GATAD2B: variants seen among roughly 807,000 people sequenced by gnomAD.
GATAD2B encodes the protein GATA zinc finger domain containing 2B, also known as transcriptional repressor p66-beta.
Under a neutral mutation model 64.3 loss-of-function variants are expected in GATAD2B, and 8 were observed. The ratio of observed to expected loss-of-function variants is 0.12; its 90% CI spans 0.07 to 0.22. The LOEUF is 0.22. Among genes scored for constraint, GATAD2B ranks in the 10% least tolerant of loss-of-function variants. The pLI is 1.00. For synonymous variants in GATAD2B, 281 were observed against 271.3 expected (o/e 1.04, Z -0.35); for missense variants, 453 against 752.0 (o/e 0.60, Z 4.65).
Position 153,816,430 on chromosome 1 carries a change from T to C in GATAD2B, c.1059A>G (p.Lys353=). The change falls in exon 7 of 11, where the codon AAA becomes AAG. Residue 353 remains lysine (K), a synonymous_variant. Coordinates refer to ENST00000368655, the MANE Select transcript of GATAD2B (RefSeq NM_020699.4). This position sits in a 1 kb window ranked among gnomAD's most constrained non-coding sequence, Gnocchi z 4.9. ...TTTCCAGCTGTTTGCGAAGAGCCAA[T>C]TTGGCTGCAGCCTGTGAGTTGGCAG... ...TDAANSQAAA[K]LALRKQLEKT... is the part of the protein sequence containing the mutation. 11 of 1,614,180 alleles carry C rather than the reference T, an allele frequency of 6.8e-6. No individual in the cohort carries two copies. Among genetic ancestry groups the C allele is most frequent in the Non-Finnish European group, 8.5e-6 (10 of 1,180,006 alleles).
chr1:153,816,568 T>C lies in GATAD2B; in HGVS notation c.921A>G (p.Pro307=), dbSNP rs1160931797. ...NYQPQSSSSV[P]CQRTTSSAIY... is the part of the protein sequence containing the mutation. Reference sequence around the variant, plus strand: ...TGGCAGAGGATGTTGTACGCTGACATGGAACAGAAGAACTTGACTGCTGAA... The same window carrying C: ...TGGCAGAGGATGTTGTACGCTGACACGGAACAGAAGAACTTGACTGCTGAA... The change falls in exon 7 of 11, where the codon CCA becomes CCG. Residue 307 remains proline (P), a synonymous_variant. Coordinates refer to ENST00000368655, the MANE Select transcript of GATAD2B (RefSeq NM_020699.4). The surrounding 1 kb of genome is among the most constrained non-coding windows in gnomAD (Gnocchi z 4.9). The C allele has an allele frequency of 3.7e-6, 6 of 1,611,998 alleles. No homozygotes were observed. Among genetic ancestry groups the C allele is most frequent in the Non-Finnish European group, 5.1e-6 (6 of 1,178,304 alleles).
intron 1 of GATAD2B, among the ~76,000 whole-genome samples, chr1:153,871,013 C>A (rs12138773): frequency 0.019 from 2,855 of 151,812 alleles, 40 homozygotes; most frequent in Non-Finnish European, 0.032. Flanking sequence ...CCCCTCTTGC[C>A]TCAGCCTCTG....
chr1:153,889,133 C>G (rs1265397919), intron 1 of GATAD2B, among the ~76,000 whole-genome samples: 1 of 152,008 alleles, frequency 6.6e-6, no homozygotes, highest in African/African-American at 2.4e-5. Flanking sequence ...ACAGGCTATA[C>G]TAGAACTAGA....
intron 7 of GATAD2B, among the ~76,000 whole-genome samples, chr1:153,813,892 C>T (rs1235281135): frequency 1.3e-5 from 2 of 152,194 alleles, no homozygotes; most frequent in South Asian, 2.1e-4. Context: ...GCAGGAGAAT[C>T]GCTTGAACCT....
chr1:153,816,522 G>A lies in GATAD2B; in HGVS notation c.967C>T (p.His323Tyr). The change falls in exon 7 of 11, where the codon CAT (histidine) becomes TAT (tyrosine). Residue 323 changes from histidine (H) to tyrosine (Y), a missense_variant. This residue lies in a region of GATAD2B where 293 missense variants were observed against 417.2 expected (regional missense o/e 0.70). Transcript: ENST00000368655. The surrounding 1 kb of genome is among the most constrained non-coding windows in gnomAD (Gnocchi z 4.9). The part of the protein sequence containing the change: ...SSAIYMNLAS[H>Y]IQPGTVNRVS... The stretch of plus-strand genomic sequence containing the variant: ...CTGTTCACCGTCCCTGGCTGGATAT[G>A]AGAAGCAAGGTTCATATAGATGGCA... The A allele has an allele frequency of 1.2e-6, 2 of 1,613,482 alleles. No homozygotes were observed. Among genetic ancestry groups the A allele is most frequent in the Non-Finnish European group, 1.7e-6 (2 of 1,179,350 alleles).
In GATAD2B at chr1:153,806,145, G is replaced by A. The variant is rs1674106750; in HGVS notation, c.*4032C>T. On this transcript the variant is annotated 3_prime_UTR_variant, in exon 11 of 11. Coordinates refer to ENST00000368655, the MANE Select transcript of GATAD2B (RefSeq NM_020699.4). ...TGTATATATGCTGATGCAATCAGAGGAAAAAAACAGTGCAAATACAATTAC... is the reference window on the plus strand; with the variant it reads ...TGTATATATGCTGATGCAATCAGAGAAAAAAAACAGTGCAAATACAATTAC... 4 of 152,062 alleles carry A rather than the reference G, an allele frequency of 2.6e-5. No homozygotes were observed. The highest frequency in any genetic ancestry group is 2.6e-4 in the Admixed American group (4 of 15,272). The allele number at this position is 152,062 out of a possible 1,614,324, so 9.4% of individuals were successfully genotyped here. A position where few individuals can be genotyped will look rare whatever the true frequency, so the allele number is the denominator to read the frequency against.
At chr1:153,824,612 T>TA (rs771879855) in intron 2 of GATAD2B, among the ~76,000 whole-genome samples, 34,282 of 96,618 alleles carry the variant, frequency 0.35, 6,374 homozygotes, top group South Asian at 0.46. Context: ...ACTCTGCCTT[T>TA]AAAAAAAAAA....
intron 1 of GATAD2B, among the ~76,000 whole-genome samples, chr1:153,881,784 T>C (rs1436664488): frequency 1.3e-5 from 2 of 149,938 alleles, no homozygotes; most frequent in Non-Finnish European, 3.0e-5. Context: ...GTTTTTTTCG[T>C]GTGTGTGTGT....
rs1674576408 is a variant in GATAD2B, at chr1:153,818,845, G to A, written c.543C>T (p.Val181=). ...GACTCTGTCTCAGTTTCTTTAACAG[G>A]ACCAGTCGGGCTTCTTCCAATCGTA... ...DELRLEEARL[V]LLKKLRQSQL... is the part of the protein sequence containing the mutation. The change falls in exon 4 of 11, where the codon GTC becomes GTT. Residue 181 remains valine, a synonymous_variant. Transcript: ENST00000368655. 1 of 1,613,432 alleles carries A rather than the reference G, an allele frequency of 6.2e-7. No individual in the cohort carries two copies. Among genetic ancestry groups the A allele is most frequent in the Non-Finnish European group, 8.5e-7 (1 of 1,179,846 alleles).
chr1:153,905,162 A>G (rs1478651551), intron 1 of GATAD2B, among the ~76,000 whole-genome samples: 1 of 152,042 alleles, frequency 6.6e-6, no homozygotes, highest in Non-Finnish European at 1.5e-5. Context: ...AACACAATAC[A>G]TAAAGAAAAA....
intron 1 of GATAD2B, among the ~76,000 whole-genome samples, chr1:153,834,045 C>T (rs1675179570): frequency 1.3e-5 from 2 of 151,422 alleles, no homozygotes; most frequent in South Asian, 4.2e-4. Flanking sequence ...CTCTGTTGCC[C>T]AGTCTGGAGT....
intron 1 of GATAD2B, among the ~76,000 whole-genome samples, chr1:153,845,529 T>G (rs1030267331): frequency 1.3e-5 from 2 of 151,852 alleles, no homozygotes; most frequent in African/African-American, 4.8e-5. Context: ...GTGGATCCCA[T>G]GAGCTCAGGA....
intron 1 of GATAD2B, among the ~76,000 whole-genome samples, chr1:153,885,181 G>A (rs1177365842): frequency 2.6e-5 from 4 of 152,028 alleles, no homozygotes; most frequent in Non-Finnish European, 5.9e-5. Context: ...ACTATACCAC[G>A]ATGCCTTGAG....
At chr1:153,881,160 C>T (rs886602079) in intron 1 of GATAD2B, among the ~76,000 whole-genome samples, 4 of 152,048 alleles carry the variant, frequency 2.6e-5, no homozygotes, top group South Asian at 2.1e-4. Context: ...CACACGAGCG[C>T]GCGCACATTC....
At chr1:153,876,383 A>G (rs996872091) in intron 1 of GATAD2B, among the ~76,000 whole-genome samples, 2 of 152,182 alleles carry the variant, frequency 1.3e-5, no homozygotes, top group African/African-American at 4.8e-5. Flanking sequence ...ATCCAACCAG[A>G]CTGGTAAGAG....
In GATAD2B at chr1:153,806,073, C is replaced by G. The variant is rs551549959; in HGVS notation, c.*4104G>C. 1 of 152,226 alleles carries G rather than the reference C, an allele frequency of 6.6e-6. No homozygotes were observed. Among genetic ancestry groups the G allele is most frequent in the East Asian group, 1.9e-4 (1 of 5,188 alleles). The allele number at this position is 152,226 out of a possible 1,614,324, so 9.4% of individuals were successfully genotyped here. A position where few individuals can be genotyped will look rare whatever the true frequency, so the allele number is the denominator to read the frequency against. On this transcript the variant is annotated 3_prime_UTR_variant, in exon 11 of 11. Coordinates refer to ENST00000368655, the MANE Select transcript of GATAD2B (RefSeq NM_020699.4). ...TTTGAGGAGGTGGGGTGGGGGAAAT[C>G]CCTTGCATAAGAAAGCTTGACACTG... is the stretch of plus-strand genomic sequence containing the variant.
chr1:153,829,873 G>A (rs1218537334), intron 1 of GATAD2B, among the ~76,000 whole-genome samples: 1 of 152,090 alleles, frequency 6.6e-6, no homozygotes, highest in Non-Finnish European at 1.5e-5. Flanking sequence ...GCTGAGGTGG[G>A]TAGATCACTT....
intron 1 of GATAD2B, among the ~76,000 whole-genome samples, chr1:153,903,363 C>T (rs1677836499): frequency 2.6e-5 from 4 of 152,168 alleles, no homozygotes; most frequent in Non-Finnish European, 1.5e-5. Context: ...GGAATCTTCA[C>T]TCCAGAAATT....
In GATAD2B at chr1:153,816,059, AACACACACACACACACACAC is replaced by A. The variant is rs71093286; in HGVS notation, c.1216+194_1216+213del. ...CAGAGCGAGACTGCATCTCAAACAAAACACACACACACACACACACACACACACACACACACACACACTCC... is the reference window on the plus strand; with the variant it reads ...CAGAGCGAGACTGCATCTCAAACAAAACACACACACACACACACACACTCC... On this transcript the variant is annotated intron_variant, in intron 7 of 10. Transcript: ENST00000368655. The surrounding 1 kb of genome is among the most constrained non-coding windows in gnomAD (Gnocchi z 4.9). Among the ~76,000 whole-genome samples, 11 of 141,886 alleles carry A rather than the reference AACACACACACACACACACAC, an allele frequency of 7.8e-5. No individual in the cohort carries two copies. In the South Asian group the frequency reaches 1.4e-3, roughly 18 times the overall value. The allele number at this position is 141,886 out of a possible 152,430, so 93.1% of individuals were successfully genotyped here. A position where few individuals can be genotyped will look rare whatever the true frequency, so the allele number is the denominator to read the frequency against.
Sources: gnomAD v4.1 joint callset for allele counts (sites outside exome capture counted in the v4.1 genomes callset) on GRCh38, gnomAD v4.1.1 for gene constraint, gnomAD v4.1.1 regional missense constraint, Gnocchi (gnomAD v3.1) non-coding constraint, MANE v1.5 for transcripts, NCBI Gene and HGNC (gene_info 2026-07-23, HGNC 2026-07-21) for gene names.